Variants in PSD3 observed in about 807,000 individuals in gnomAD.
PSD3 encodes the protein pleckstrin and Sec7 domain containing 3.
A neutral mutation model predicts 105.5 loss-of-function variants in PSD3; 49 were observed. The ratio of observed to expected loss-of-function variants is 0.46; its 90% CI spans 0.37 to 0.59. The LOEUF (loss-of-function observed/expected upper bound fraction) is 0.59. Ranked by LOEUF, PSD3 falls within the 20% of genes least tolerant of loss-of-function variation. The pLI, the probability that PSD3 is intolerant of heterozygous loss-of-function variation, is 0.00. For missense variants in PSD3, 1,561 were observed against 1,263.8 expected (o/e 1.24, Z -3.57); for synonymous variants, 557 against 457.8 (o/e 1.22, Z -2.77).
At chr8:18,744,748 C>G (rs540881661) in intron 9 of PSD3, among the ~76,000 whole-genome samples, 2 of 152,298 alleles carry the variant, frequency 1.3e-5, no homozygotes, top group East Asian at 3.9e-4. Context: ...ATAGTATTAA[C>G]TGAACTATAC....
At chr8:18,588,822 G>A (rs1803384630) in intron 12 of PSD3, among the ~76,000 whole-genome samples, 2 of 152,186 alleles carry the variant, frequency 1.3e-5, no homozygotes, top group African/African-American at 4.8e-5. Context: ...GGACAGTGAT[G>A]TAGGAAAAGC....
chr8:18,603,949 C>A (rs1186196394), intron 11 of PSD3, among the ~76,000 whole-genome samples: 1 of 152,158 alleles, frequency 6.6e-6, no homozygotes, highest in Non-Finnish European at 1.5e-5. Context: ...GCCAATTAAA[C>A]CTCTTTTCTT....
intron 1 of PSD3, among the ~76,000 whole-genome samples, chr8:19,052,936 T>C (rs552733311): frequency 7.9e-4 from 120 of 152,260 alleles, no homozygotes; most frequent in Middle Eastern, 3.4e-3. Context: ...CTTGTGTCAC[T>C]TCCTACTGAC....
At chr8:18,859,840 C>A (rs1056730724) in intron 4 of PSD3, among the ~76,000 whole-genome samples, 1 of 152,190 alleles carries the variant, frequency 6.6e-6, no homozygotes, top group Non-Finnish European at 1.5e-5. Context: ...GATCTTCTAT[C>A]CAGACCATTA....
At chr8:18,710,313 TGAACAAAACCTTC>T (rs1802175840) in intron 9 of PSD3, among the ~76,000 whole-genome samples, 1 of 151,740 alleles carries the variant, frequency 6.6e-6, no homozygotes. Flanking sequence ...TGAGAAGGAA[TGAACAAAACCTTC>T]GAAAACTATG....
At chr8:19,034,786 A>G (rs142979604) in intron 1 of PSD3, among the ~76,000 whole-genome samples, 2 of 151,858 alleles carry the variant, frequency 1.3e-5, no homozygotes, top group Admixed American at 6.6e-5. Context: ...CCACACGTTC[A>G]CTCTGGTCTG....
intron 1 of PSD3, among the ~76,000 whole-genome samples, chr8:19,003,905 G>A (rs926953056): frequency 6.6e-6 from 1 of 151,822 alleles, no homozygotes; most frequent in Non-Finnish European, 1.5e-5. Context: ...TAGGTTCTAG[G>A]GGCAACCACT....
intron 9 of PSD3, among the ~76,000 whole-genome samples, chr8:18,744,454 C>T (rs1002984589): frequency 6.6e-6 from 1 of 152,182 alleles, no homozygotes. Context: ...GTATTAATTA[C>T]ATGAATAAAG....
chr8:18,724,417 G>A (rs1240096707), intron 9 of PSD3, among the ~76,000 whole-genome samples: 1 of 152,056 alleles, frequency 6.6e-6, no homozygotes, highest in Non-Finnish European at 1.5e-5. Flanking sequence ...TTCAAAGCCA[G>A]CCTGGGCAAC....
chr8:18,956,711 C>T (rs140414441), intron 1 of PSD3, among the ~76,000 whole-genome samples: 1 of 152,148 alleles, frequency 6.6e-6, no homozygotes, highest in East Asian at 1.9e-4. Flanking sequence ...AACCTTGAGG[C>T]TATTTTAGCA....
At chr8:18,928,293 G>C (rs767784922) in intron 2 of PSD3, among the ~76,000 whole-genome samples, 3 of 152,242 alleles carry the variant, frequency 2.0e-5, no homozygotes, top group South Asian at 4.2e-4. Flanking sequence ...GCTCCCTCTT[G>C]CCAGCTGCCA....
At chr8:18,866,874 C>T (rs1816974796) in intron 4 of PSD3, among the ~76,000 whole-genome samples, 1 of 149,336 alleles carries the variant, frequency 6.7e-6, no homozygotes, top group Non-Finnish European at 1.5e-5. Context: ...CCCACCAGCT[C>T]CACACAAACA....
At chr8:18,718,956 T>C (rs949674467) in intron 9 of PSD3, among the ~76,000 whole-genome samples, 1 of 152,214 alleles carries the variant, frequency 6.6e-6, no homozygotes, top group South Asian at 2.1e-4. Flanking sequence ...ACTTGACTGC[T>C]ACAATTATCT....
intron 8 of PSD3, among the ~76,000 whole-genome samples, chr8:18,788,227 G>A (rs368380987): frequency 5.3e-5 from 8 of 152,136 alleles, no homozygotes; most frequent in South Asian, 4.1e-4. Context: ...GCAGGTTTTC[G>A]CTTTGTTAAA....
intron 4 of PSD3, among the ~76,000 whole-genome samples, chr8:18,844,273 C>T (rs1242618435): frequency 1.3e-5 from 2 of 152,028 alleles, no homozygotes; most frequent in East Asian, 1.9e-4. Context: ...CCCTTGGGTC[C>T]CCTGAGAATT....
chr8:18,712,520 A>C (rs905325916), intron 9 of PSD3, among the ~76,000 whole-genome samples: 18 of 152,228 alleles, frequency 1.2e-4, no homozygotes, highest in African/African-American at 3.6e-4. Flanking sequence ...GAAAATCTAG[A>C]AGAAATGGAT....
intron 15 of PSD3, among the ~76,000 whole-genome samples, chr8:18,536,327 C>T (rs975322479): frequency 2.0e-5 from 3 of 152,150 alleles, no homozygotes; most frequent in Non-Finnish European, 4.4e-5. Flanking sequence ...TCTTGTGGCT[C>T]TGTACCAAAG....
intron 4 of PSD3, among the ~76,000 whole-genome samples, chr8:18,846,418 G>A (rs761370801): frequency 3.3e-5 from 5 of 152,092 alleles, no homozygotes; most frequent in South Asian, 2.1e-4. Context: ...GGAAACTAAC[G>A]ATAGAACAGT....
Position 18,944,571 on chromosome 8 carries a change from A to AAAATAAAT in PSD3, c.22-8437_22-8430dup, listed in dbSNP as rs56700106. Among the ~76,000 whole-genome samples the AAAATAAAT allele has an allele frequency of 2.1e-3, 295 of 143,854 alleles. 1 individual carries two copies. Among genetic ancestry groups the AAAATAAAT allele is most frequent in the African/African-American group, 5.9e-3 (227 of 38,452 alleles). 94.4% of individuals were successfully genotyped at this position (143,854 alleles called of 152,430 possible). On this transcript the variant is annotated intron_variant, in intron 1 of 15. Transcript: ENST00000327040. ...GGGCGACAGAGTGAGACTCCATCTC[A>AAAATAAAT]AAATAAATAAATAAATAAATAAATA...
Sources: allele counts gnomAD v4.1 joint callset (sites outside exome capture counted in the v4.1 genomes callset), GRCh38; gene constraint gnomAD v4.1.1; transcripts MANE v1.5; gene names NCBI Gene and HGNC (gene_info 2026-07-23, HGNC 2026-07-21).